Variants in ZNF385B observed in about 807,000 individuals in gnomAD.
The protein encoded by ZNF385B is zinc finger protein 385B.
A neutral mutation model predicts 39.2 loss-of-function variants in ZNF385B; 23 were observed. The observed-to-expected ratio is 0.59, with a 90% CI of 0.42 to 0.83. The LOEUF (loss-of-function observed/expected upper bound fraction) is 0.83, where lower values mean the gene tolerates loss of function less well. Among genes scored for constraint, ZNF385B ranks in the 40% least tolerant of loss-of-function variants. ZNF385B has a pLI of 0.00. For synonymous variants in ZNF385B, 205 were observed against 222.6 expected (o/e 0.92, Z 0.70); for missense variants, 552 against 598.9 (o/e 0.92, Z 0.82).
intron 3 of ZNF385B, among the ~76,000 whole-genome samples, chr2:179,760,224 G>A (rs1249533143): frequency 2.1e-4 from 8 of 38,326 alleles, no homozygotes; most frequent in South Asian, 2.3e-3. Flanking sequence ...TCCTGTGTGC[G>A]TGTGTGTGTG....
At chr2:179,818,946 C>T (rs1361211790) in intron 1 of ZNF385B, among the ~76,000 whole-genome samples, 1 of 151,892 alleles carries the variant, frequency 6.6e-6, no homozygotes, top group Non-Finnish European at 1.5e-5. Context: ...CTAAGGTAGG[C>T]TTTCTTTTTG....
chr2:179,730,697 T>A (rs1409596930), intron 3 of ZNF385B, among the ~76,000 whole-genome samples: 1 of 152,206 alleles, frequency 6.6e-6, no homozygotes, highest in African/African-American at 2.4e-5. Flanking sequence ...TTAAGCTCAA[T>A]AAATGATATT....
At chr2:179,584,843 A>C (rs1158348845) in intron 3 of ZNF385B, among the ~76,000 whole-genome samples, 3 of 152,208 alleles carry the variant, frequency 2.0e-5, no homozygotes, top group African/African-American at 7.2e-5. Context: ...CATATGTATA[A>C]ATGAAATGAC....
intron 3 of ZNF385B, among the ~76,000 whole-genome samples, chr2:179,643,603 G>C (rs547127188): frequency 6.6e-6 from 1 of 152,230 alleles, no homozygotes; most frequent in East Asian, 1.9e-4. Context: ...GAGCAAAAGA[G>C]GCCAGTTTCA....
intron 6 of ZNF385B, among the ~76,000 whole-genome samples, chr2:179,454,305 T>C (rs2050455842): frequency 6.6e-6 from 1 of 152,174 alleles, no homozygotes; most frequent in African/African-American, 2.4e-5. Context: ...GTCATGATGT[T>C]GTAGTGCAAC....
chr2:179,582,150 C>A (rs1195010938), intron 3 of ZNF385B, among the ~76,000 whole-genome samples: 2 of 152,144 alleles, frequency 1.3e-5, no homozygotes, highest in Non-Finnish European at 2.9e-5. Flanking sequence ...AAATCAAGTA[C>A]TTTTCTCATT....
At chr2:179,699,609 G>A (rs973731710) in intron 3 of ZNF385B, among the ~76,000 whole-genome samples, 1 of 152,140 alleles carries the variant, frequency 6.6e-6, no homozygotes, top group African/African-American at 2.4e-5. Context: ...TATATGTAGG[G>A]GGTGTGGCTA....
intron 3 of ZNF385B, among the ~76,000 whole-genome samples, chr2:179,695,795 T>C (rs1469446298): frequency 6.6e-6 from 1 of 152,210 alleles, no homozygotes; most frequent in Non-Finnish European, 1.5e-5. Context: ...TATGCAATTG[T>C]TTACAGCGGC....
chr2:179,841,192 G>C (rs1708517234), intron 1 of ZNF385B, among the ~76,000 whole-genome samples: 1 of 152,194 alleles, frequency 6.6e-6, no homozygotes, highest in Non-Finnish European at 1.5e-5. Flanking sequence ...AAAAGTTAAG[G>C]GAACAATAAT....
chr2:179,687,188 T>C (rs183574168), intron 3 of ZNF385B, among the ~76,000 whole-genome samples: 1 of 151,164 alleles, frequency 6.6e-6, no homozygotes, highest in Non-Finnish European at 1.5e-5. Context: ...GAGCCAATCA[T>C]GGAGGAAATG....
At chr2:179,558,037 A>T (rs150947626) in intron 3 of ZNF385B, among the ~76,000 whole-genome samples, 185 of 152,318 alleles carry the variant, frequency 1.2e-3, no homozygotes, top group African/African-American at 4.0e-3. Flanking sequence ...TAGGAGGCAC[A>T]CTCACATTTG....
chr2:179,480,161 A>G (rs1200790342), intron 6 of ZNF385B, among the ~76,000 whole-genome samples: 1 of 152,230 alleles, frequency 6.6e-6, no homozygotes, highest in East Asian at 1.9e-4. Context: ...AGAATCACAG[A>G]TACTACTTAA....
In ZNF385B at chr2:179,474,348, T is replaced by C. The variant is rs1436141837; in HGVS notation, c.715+8924A>G. On this transcript the variant is annotated intron_variant, in intron 6 of 9. Transcript: ENST00000410066. ...AAATATTTGGTTGGTGCAAAAGTAATTGAGGTTTTTGCCATTACTTTTAAT... is the reference window on the plus strand; with the variant it reads ...AAATATTTGGTTGGTGCAAAAGTAACTGAGGTTTTTGCCATTACTTTTAAT... 2.6e-5 allele frequency among the ~76,000 whole-genome samples: 4 copies of C among 152,272 alleles called. No individual in the cohort carries two copies. The East Asian group carries it at 7.7e-4, about 29-fold the overall frequency.
At chr2:179,591,970 C>A (rs1351159164) in intron 3 of ZNF385B, among the ~76,000 whole-genome samples, 1 of 151,940 alleles carries the variant, frequency 6.6e-6, no homozygotes, top group African/African-American at 2.4e-5. Context: ...CTATATAGTC[C>A]ATAGTGTGAA....
At chr2:179,773,142 C>T (rs552071018) in intron 1 of ZNF385B, among the ~76,000 whole-genome samples, 1 of 152,086 alleles carries the variant, frequency 6.6e-6, no homozygotes, top group South Asian at 2.1e-4. Context: ...TTTTCCCTGA[C>T]CTGCATTGTT....
intron 3 of ZNF385B, among the ~76,000 whole-genome samples, chr2:179,670,655 A>G (rs1171712224): frequency 6.6e-6 from 1 of 152,242 alleles, no homozygotes; most frequent in African/African-American, 2.4e-5. Context: ...CTGGTCCAAC[A>G]TACCACTGAA....
intron 6 of ZNF385B, 64 bp from the exon 7 acceptor site, chr2:179,446,834 C>T (rs2049548967): frequency 6.6e-7 from 1 of 1,503,906 alleles, no homozygotes; most frequent in South Asian, 1.4e-5. Context: ...GATAAATCAC[C>T]ATAGATGAAT....
chr2:179,471,449 C>A (rs979560896), intron 6 of ZNF385B, among the ~76,000 whole-genome samples: 1 of 152,134 alleles, frequency 6.6e-6, no homozygotes, highest in Non-Finnish European at 1.5e-5. Flanking sequence ...GCTAAAAACA[C>A]ATTTTTATTT....
intron 3 of ZNF385B, among the ~76,000 whole-genome samples, chr2:179,678,355 A>G (rs1697144954): frequency 6.6e-6 from 1 of 152,168 alleles, no homozygotes; most frequent in South Asian, 2.1e-4. Flanking sequence ...AATAAAGCCT[A>G]TATTTCCCAG....
Sources: gnomAD v4.1 joint callset for allele counts (sites outside exome capture counted in the v4.1 genomes callset) on GRCh38, gnomAD v4.1.1 for gene constraint, MANE v1.5 for transcripts, NCBI Gene and HGNC (gene_info 2026-07-23, HGNC 2026-07-21) for gene names.